Variants in ERAP1 observed in about 807,000 individuals in gnomAD.
The protein encoded by ERAP1 is endoplasmic reticulum aminopeptidase 1, also known as adipocyte-derived leucine aminopeptidase.
Under a neutral mutation model 103.7 loss-of-function variants are expected in ERAP1, and 86 were observed. The ratio of observed to expected loss-of-function variants is 0.83; its 90% confidence interval spans 0.70 to 0.99. The LOEUF (loss-of-function observed/expected upper bound fraction) is 0.99, where lower values mean the gene tolerates loss of function less well. ERAP1 is among the 50% of genes least tolerant of loss of function. The pLI, the probability that ERAP1 is intolerant of heterozygous loss-of-function variation, is 0.00. For missense variants in ERAP1, 1,009 were observed against 1,128.4 expected (o/e 0.89, Z 1.52); for synonymous variants, 398 against 402.4 (o/e 0.99, Z 0.13).
At chr5:96,856,365 T>TATATATATATATATATATATATAGAG in the ERAP1 span, among the ~76,000 whole-genome samples, 2 of 20,378 alleles carry the variant, frequency 9.8e-5, no homozygotes, top group Non-Finnish European at 1.1e-4. Context: ...TATATATATA[T>TATATATATATATATATATATATAGAG]AGAGAGAGAG....
the ERAP1 span, among the ~76,000 whole-genome samples, chr5:96,916,779 T>TTTA: frequency 2.0e-5 from 3 of 150,142 alleles, no homozygotes; most frequent in Non-Finnish European, 4.4e-5. Context: ...TTTTTTTTTT[T>TTTA]AAAGCATTAT....
chr5:96,900,779 C>T, the ERAP1 span, among the ~76,000 whole-genome samples: 1 of 152,140 alleles, frequency 6.6e-6, no homozygotes, highest in Admixed American at 6.5e-5. Flanking sequence ...CTGGTTCAAC[C>T]AATTCCTCTG....
At chr5:96,843,982 A>G in the ERAP1 span, among the ~76,000 whole-genome samples, 13,752 of 152,258 alleles carry the variant, frequency 0.09, 809 homozygotes, top group Middle Eastern at 0.16. Flanking sequence ...GTGTTGATTC[A>G]TGATTTTGCT....
chr5:96,895,465 T>G, the ERAP1 span: 1 of 804,768 alleles, frequency 1.2e-6, no homozygotes, highest in East Asian at 2.7e-5. Context: ...AATGTTGTGG[T>G]TTTTGAACAT....
At chr5:96,887,557 C>T in the ERAP1 span, among the ~76,000 whole-genome samples, 1 of 152,072 alleles carries the variant, frequency 6.6e-6, no homozygotes, top group Non-Finnish European at 1.5e-5. Flanking sequence ...GCCTTGGCCT[C>T]CCAAAGTGTT....
chr5:96,932,671 G>C, the ERAP1 span, among the ~76,000 whole-genome samples: 23 of 152,178 alleles, frequency 1.5e-4, no homozygotes, highest in African/African-American at 5.1e-4. Context: ...TTCAATGTGA[G>C]GCTTGGATTT....
chr5:96,883,920 A>G, the ERAP1 span: 2 of 1,605,570 alleles, frequency 1.2e-6, no homozygotes, highest in Non-Finnish European at 1.7e-6. Context: ...GCACTATCCA[A>G]CATGCCAAAG....
the ERAP1 span, among the ~76,000 whole-genome samples, chr5:96,825,429 T>C: frequency 3.3e-5 from 5 of 152,224 alleles, no homozygotes; most frequent in Non-Finnish European, 5.9e-5. Context: ...AAATGTTCTA[T>C]GTGAATCAGA....
At chr5:96,788,725 A>T in intron 10 of ERAP1, 40 bp from the exon 11 acceptor site, 6 of 1,608,048 alleles carry the variant, frequency 3.7e-6, no homozygotes, top group Non-Finnish European at 5.1e-6. Context: ...CACCCATTTA[A>T]CCCAACTCTA....
intron 1 of ERAP1, chr5:96,805,937 G>A (rs1778546479): frequency 6.6e-6 from 1 of 152,394 alleles, no homozygotes; most frequent in Non-Finnish European, 1.5e-5. Context: ...GCTGCGGAAG[G>A]GGTTGGTACC....
the ERAP1 span, among the ~76,000 whole-genome samples, chr5:96,880,468 G>A: frequency 6.6e-6 from 1 of 152,164 alleles, no homozygotes; most frequent in Admixed American, 6.5e-5. Context: ...GCTAGAGGGT[G>A]AATAACTAGG....
At chr5:96,778,873 G>A (rs1033364229) in intron 18 of ERAP1, among the ~76,000 whole-genome samples, 4 of 152,128 alleles carry the variant, frequency 2.6e-5, no homozygotes, top group Admixed American at 2.0e-4. Context: ...TAGATGTCTG[G>A]GGAAGAAAGG....
chr5:96,928,580 T>G, the ERAP1 span, among the ~76,000 whole-genome samples: 1 of 152,096 alleles, frequency 6.6e-6, no homozygotes, highest in Non-Finnish European at 1.5e-5. Context: ...AGGGGGAGTA[T>G]GGTCCTACCA....
rs1429534323 is a variant in ERAP1 at position 96,803,471 on chromosome 5, A to C, written c.456T>G (p.Ala152=). 1 of 1,613,238 alleles carries C rather than the reference A, an allele frequency of 6.2e-7. No individual in the cohort carries two copies. The highest frequency in any genetic ancestry group is 1.7e-5 in the Admixed American group (1 of 59,814). The change falls in exon 2 of 19, where the codon GCT becomes GCG. Residue 152 remains alanine, a synonymous_variant. Coordinates refer to ENST00000443439, the MANE Select transcript of ERAP1 (RefSeq NM_001040458.3). ...CGTGGAAAGTCTCCGAAAGATTGCC[A>C]GCATAGTGAATGACAACTGTGTACG... ...GLPYTVVIHY[A]GNLSETFHGF...
the ERAP1 span, chr5:96,873,196 A>T: frequency 2.6e-6 from 1 of 379,286 alleles, no homozygotes; most frequent in Non-Finnish European, 5.3e-6. Context: ...CAAAAAAAAA[A>T]AATCATGAAA....
chr5:96,889,623 G>C, the ERAP1 span: 1 of 641,626 alleles, frequency 1.6e-6, no homozygotes, highest in South Asian at 1.8e-5. Context: ...GTCCAGGAAA[G>C]AGATGGGGAG....
At chr5:96,786,834 C>G in intron 11 of ERAP1, 1 of 378,834 alleles carries the variant, frequency 2.6e-6, no homozygotes, top group Non-Finnish European at 5.0e-6. Flanking sequence ...TCTCAGAGGC[C>G]TAACTTCAGG....
intron 11 of ERAP1, 113 bp downstream of exon 11, chr5:96,788,418 C>G (rs78567698): frequency 1.6e-6 from 2 of 1,274,572 alleles, no homozygotes; most frequent in Non-Finnish European, 2.2e-6. Context: ...TACACAGATG[C>G]AGCTGAAATA....
chr5:96,917,525 C>A, the ERAP1 span: 2 of 1,613,816 alleles, frequency 1.2e-6, no homozygotes, highest in Non-Finnish European at 1.7e-6. Context: ...TCAAACTGTT[C>A]TGGAAACGAT....
Sources: allele counts gnomAD v4.1 joint callset (sites outside exome capture counted in the v4.1 genomes callset), GRCh38; gene constraint gnomAD v4.1.1; transcripts MANE v1.5; gene names NCBI Gene and HGNC (gene_info 2026-07-23, HGNC 2026-07-21).